The following VDAC1 variants were observed in gnomAD, a reference collection of about 807,000 sequenced individuals.
The protein encoded by VDAC1 is non-selective voltage-gated ion channel VDAC1.
Under a neutral mutation model 34.7 loss-of-function variants are expected in VDAC1, and 10 were observed. That is an observed-to-expected ratio of 0.29 (90% confidence interval 0.18 to 0.49). VDAC1 has a LOEUF of 0.49. Among genes scored for constraint, VDAC1 ranks in the 20% least tolerant of loss-of-function variants. The pLI is 0.99. For synonymous variants in VDAC1, 130 were observed against 136.0 expected, an observed-to-expected ratio of 0.96 and a Z score of 0.30; for missense variants, 230 against 347.9, an observed-to-expected ratio of 0.66 and a Z score of 2.69.
the VDAC1 span, among the ~76,000 whole-genome samples, chr5:134,069,284 C>T: frequency 6.6e-6 from 1 of 152,116 alleles, no homozygotes; most frequent in South Asian, 2.1e-4. Flanking sequence ...ATGGAGGGGC[C>T]CATTTCAATG....
chr5:133,992,004 A>C (rs1211442143), intron 3 of VDAC1, among the ~76,000 whole-genome samples: 1 of 152,198 alleles, frequency 6.6e-6, no homozygotes, highest in African/African-American at 2.4e-5. Context: ...TGGGAGGCCA[A>C]GGTGGGCGGA....
intron 1 of VDAC1, among the ~76,000 whole-genome samples, chr5:133,993,627 T>C (rs1195481347): frequency 6.6e-6 from 1 of 152,210 alleles, no homozygotes; most frequent in Non-Finnish European, 1.5e-5. Context: ...CCAAACCAGT[T>C]TGGCAGCTCT....
the VDAC1 span, among the ~76,000 whole-genome samples, chr5:134,046,326 C>T: frequency 1.3e-5 from 2 of 152,050 alleles, no homozygotes; most frequent in Non-Finnish European, 2.9e-5. Context: ...CCATGCCCAG[C>T]CTTTTCATTT....
intron 3 of VDAC1, among the ~76,000 whole-genome samples, chr5:133,992,104 C>T (rs1580723563): frequency 2.0e-5 from 3 of 152,156 alleles, no homozygotes; most frequent in South Asian, 2.1e-4. Flanking sequence ...AGCATGGTGG[C>T]GGGTGCCTGT....
the VDAC1 span, among the ~76,000 whole-genome samples, chr5:134,052,918 C>A: frequency 6.6e-6 from 1 of 152,224 alleles, no homozygotes; most frequent in Non-Finnish European, 1.5e-5. Flanking sequence ...GAGTTCTAGA[C>A]CAGCCTGACC....
the VDAC1 span, among the ~76,000 whole-genome samples, chr5:134,033,802 C>T: frequency 5.9e-5 from 9 of 151,786 alleles, no homozygotes; most frequent in Admixed American, 1.3e-4. Flanking sequence ...ACCATCCTGG[C>T]TAACACGGTG....
the VDAC1 span, among the ~76,000 whole-genome samples, chr5:134,103,069 T>C: frequency 6.6e-6 from 1 of 152,152 alleles, no homozygotes; most frequent in African/African-American, 2.4e-5. Context: ...TCAGAGTCTC[T>C]GCTATTTGGG....
chr5:134,056,532 T>A, the VDAC1 span, among the ~76,000 whole-genome samples: 1 of 150,814 alleles, frequency 6.6e-6, no homozygotes, highest in Non-Finnish European at 1.5e-5. Flanking sequence ...CTTCACCTCC[T>A]GGGCTCAAGT....
At chr5:134,055,894 C>T in the VDAC1 span, among the ~76,000 whole-genome samples, 1 of 151,776 alleles carries the variant, frequency 6.6e-6, no homozygotes, top group African/African-American at 2.4e-5. Flanking sequence ...CGTGCAAGCA[C>T]ACATGCATTC....
At chr5:134,110,400 G>C in the VDAC1 span, among the ~76,000 whole-genome samples, 2 of 152,206 alleles carry the variant, frequency 1.3e-5, no homozygotes, top group East Asian at 1.9e-4. Flanking sequence ...GCAGCTGCCT[G>C]GTACCTGATG....
chr5:134,004,531 G>C (rs1368191556), intron 1 of VDAC1: 1 of 152,792 alleles, frequency 6.5e-6, no homozygotes, highest in Non-Finnish European at 1.5e-5. Flanking sequence ...CCCGCGGCCG[G>C]GCTGCCGGGG....
chr5:134,085,754 T>A, the VDAC1 span, among the ~76,000 whole-genome samples: 1,227 of 41,424 alleles, frequency 0.03, 25 homozygotes, highest in African/African-American at 0.088. Context: ...AAAAAAAAAA[T>A]TTCATTAGCT....
At chr5:134,099,343 T>C in the VDAC1 span, among the ~76,000 whole-genome samples, 2 of 152,162 alleles carry the variant, frequency 1.3e-5, no homozygotes, top group Non-Finnish European at 2.9e-5. Context: ...AAAGCCCCTC[T>C]GCTTCTCAGG....
chr5:134,006,226 T>G (rs1300981244), upstream of VDAC1, among the ~76,000 whole-genome samples: 1 of 152,132 alleles, frequency 6.6e-6, no homozygotes, highest in Non-Finnish European at 1.5e-5. Context: ...GCGCACGAGT[T>G]GCCTGGGAAC....
chr5:134,041,192 G>A, the VDAC1 span, among the ~76,000 whole-genome samples: 3 of 152,304 alleles, frequency 2.0e-5, no homozygotes, highest in East Asian at 3.9e-4. Context: ...GGCTCCTTCC[G>A]AACATCTTTG....
chr5:134,110,889 C>T, the VDAC1 span, among the ~76,000 whole-genome samples: 1 of 152,226 alleles, frequency 6.6e-6, no homozygotes, highest in Non-Finnish European at 1.5e-5. Context: ...CAGCTCTAGC[C>T]ATGATTAAGT....
chr5:133,994,472 T>A (rs1753218909), intron 1 of VDAC1, among the ~76,000 whole-genome samples: 1 of 152,100 alleles, frequency 6.6e-6, no homozygotes, highest in African/African-American at 2.4e-5. Context: ...CAGCCCACAT[T>A]AGTATCAGGG....
At chr5:134,006,908 A>C (rs2127051604), upstream of VDAC1, among the ~76,000 whole-genome samples, 1 of 152,188 alleles carries the variant, frequency 6.6e-6, no homozygotes, top group Non-Finnish European at 1.5e-5. Context: ...TAAGAGCCTC[A>C]GCTTCAGAGT....
chr5:134,035,246 G>A, the VDAC1 span, among the ~76,000 whole-genome samples: 86 of 152,198 alleles, frequency 5.7e-4, 1 homozygote, highest in African/African-American at 1.5e-3. Flanking sequence ...GACAATTTTT[G>A]TTGTGTTTTG....
Sources: gnomAD v4.1 joint callset for allele counts (sites outside exome capture counted in the v4.1 genomes callset) on GRCh38, gnomAD v4.1.1 for gene constraint, MANE v1.5 for transcripts, NCBI Gene and HGNC (gene_info 2026-07-23, HGNC 2026-07-21) for gene names.